SLC24A2: variants seen among roughly 807,000 people sequenced by gnomAD.
The protein encoded by SLC24A2 is solute carrier family 24 member 2.
A neutral mutation model predicts 62.0 loss-of-function variants in SLC24A2; 36 were observed. The observed-to-expected ratio is 0.58, with a 90% CI of 0.44 to 0.77. SLC24A2 has a LOEUF of 0.77. SLC24A2 is among the 30% of genes least tolerant of loss of function. SLC24A2 has a pLI of 0.00. For synonymous variants in SLC24A2, 358 were observed against 294.0 expected (o/e 1.22, Z -2.23); for missense variants, 846 against 817.9 (o/e 1.03, Z -0.42).
rs544597843 is a variant in SLC24A2 at position 19,651,345 on chromosome 9, C to T, written c.931-29046G>A. 8.6e-4 allele frequency among the ~76,000 whole-genome samples: 131 copies of T among 152,280 alleles called. No individual in the cohort carries two copies. The South Asian group carries it at 0.013, about 15-fold the overall frequency. ...AATGGTGAAGGTGATGTTATCATTCCTATTTTATGTACAAATATATGAAAC... is the reference window on the plus strand; with the variant it reads ...AATGGTGAAGGTGATGTTATCATTCTTATTTTATGTACAAATATATGAAAC... On this transcript the variant is annotated intron_variant, in intron 2 of 10. Transcript: ENST00000341998.
At chr9:19,999,191 G>T in the SLC24A2 span, among the ~76,000 whole-genome samples, 1 of 152,334 alleles carries the variant, frequency 6.6e-6, no homozygotes, top group Non-Finnish European at 1.5e-5. Flanking sequence ...CCACGGCTTT[G>T]CCTGTCACTC....
the SLC24A2 span, among the ~76,000 whole-genome samples, chr9:20,290,449 G>C: frequency 6.6e-6 from 1 of 152,222 alleles, no homozygotes; most frequent in Non-Finnish European, 1.5e-5. Flanking sequence ...CTTCAGGCCA[G>C]CCTTGGCCAG....
At chr9:20,237,532 C>T in the SLC24A2 span, among the ~76,000 whole-genome samples, 25 of 152,124 alleles carry the variant, frequency 1.6e-4, no homozygotes, top group African/African-American at 6.0e-4. Flanking sequence ...TGGAAGGATA[C>T]TGAAGACACA....
chr9:19,585,892 AG>A, intron 5 of SLC24A2, among the ~76,000 whole-genome samples: 1 of 152,314 alleles, frequency 6.6e-6, no homozygotes, highest in East Asian at 1.9e-4. Flanking sequence ...CCACCCATAA[AG>A]GATGGATCAG....
At chr9:19,771,193 G>A (rs1056326006) in intron 2 of SLC24A2, among the ~76,000 whole-genome samples, 2 of 152,178 alleles carry the variant, frequency 1.3e-5, no homozygotes, top group African/African-American at 4.8e-5. Context: ...GGGAAACGGA[G>A]ATAGAGTTGG....
chr9:19,829,803 A>G, the SLC24A2 span, among the ~76,000 whole-genome samples: 2,055 of 30,778 alleles, frequency 0.067, 16 homozygotes, highest in Non-Finnish European at 0.13. Context: ...GTGTGTATAT[A>G]TATATATACA....
the SLC24A2 span, among the ~76,000 whole-genome samples, chr9:19,803,219 G>A: frequency 5.9e-5 from 9 of 152,232 alleles, 1 homozygote; most frequent in Admixed American, 4.6e-4. Context: ...GTACTGAAAT[G>A]AGAATGCTTC....
At chr9:20,289,959 T>C in the SLC24A2 span, among the ~76,000 whole-genome samples, 1 of 152,186 alleles carries the variant, frequency 6.6e-6, no homozygotes. Flanking sequence ...ACACACATTG[T>C]AGCATCACAC....
the SLC24A2 span, among the ~76,000 whole-genome samples, chr9:20,103,775 T>G: frequency 1.3e-5 from 2 of 151,492 alleles, no homozygotes; most frequent in African/African-American, 2.4e-5. Flanking sequence ...AACTGGAAAC[T>G]CTAAAAAGCA....
the SLC24A2 span, among the ~76,000 whole-genome samples, chr9:20,250,919 C>G: frequency 6.6e-6 from 1 of 152,108 alleles, no homozygotes; most frequent in Non-Finnish European, 1.5e-5. Context: ...AGCTTGACAG[C>G]CTGATTCCTC....
At chr9:20,012,125 G>A in the SLC24A2 span, among the ~76,000 whole-genome samples, 1 of 152,072 alleles carries the variant, frequency 6.6e-6, no homozygotes, top group African/African-American at 2.4e-5. Context: ...TCTAAGATTA[G>A]GGACAAGGCA....
chr9:19,780,421 C>G (rs944098228), intron 2 of SLC24A2, among the ~76,000 whole-genome samples: 2 of 151,528 alleles, frequency 1.3e-5, no homozygotes, highest in Non-Finnish European at 1.5e-5. Flanking sequence ...GCGCCTGCCA[C>G]TGCGCCCAGC....
the SLC24A2 span, among the ~76,000 whole-genome samples, chr9:20,250,629 C>A: frequency 6.6e-6 from 1 of 151,966 alleles, no homozygotes; most frequent in African/African-American, 2.4e-5. Flanking sequence ...TGTGAGTGTG[C>A]TGAACACAAG....
intron 2 of SLC24A2, among the ~76,000 whole-genome samples, chr9:19,747,835 G>T (rs892502021): frequency 6.6e-6 from 1 of 152,096 alleles, no homozygotes; most frequent in African/African-American, 2.4e-5. Context: ...GAGCTGCTCT[G>T]GGTCAATCCA....
chr9:20,139,176 A>C, the SLC24A2 span, among the ~76,000 whole-genome samples: 1 of 152,140 alleles, frequency 6.6e-6, no homozygotes, highest in Admixed American at 6.5e-5. Context: ...GCCTTGGGGA[A>C]ACAACTCTAC....
At chr9:19,959,499 T>A in the SLC24A2 span, among the ~76,000 whole-genome samples, 10 of 152,356 alleles carry the variant, frequency 6.6e-5, no homozygotes, top group East Asian at 1.3e-3. Context: ...TAGCAGTGTC[T>A]ATAAATTTGG....
At chr9:19,760,657 G>T (rs1241430442) in intron 2 of SLC24A2, among the ~76,000 whole-genome samples, 1 of 152,022 alleles carries the variant, frequency 6.6e-6, no homozygotes, top group Middle Eastern at 3.4e-3. Context: ...GAAAATGATG[G>T]TTTCCAGCGT....
intron 2 of SLC24A2, among the ~76,000 whole-genome samples, chr9:19,658,735 G>A (rs906242676): frequency 1.3e-5 from 2 of 152,176 alleles, no homozygotes; most frequent in Non-Finnish European, 2.9e-5. Flanking sequence ...AGATACCAGT[G>A]GGAGACCCAG....
chr9:20,118,267 T>C, the SLC24A2 span, among the ~76,000 whole-genome samples: 1 of 152,182 alleles, frequency 6.6e-6, no homozygotes, highest in South Asian at 2.1e-4. Context: ...AGTATGTACC[T>C]TGCTGTTATC....
Sources: gnomAD v4.1 joint callset for allele counts (sites outside exome capture counted in the v4.1 genomes callset) on GRCh38, gnomAD v4.1.1 for gene constraint, MANE v1.5 for transcripts, NCBI Gene and HGNC (gene_info 2026-07-23, HGNC 2026-07-21) for gene names.